KMT2B: variants seen among roughly 807,000 people sequenced by gnomAD.
The protein encoded by KMT2B is histone-lysine N-methyltransferase 2B.
In KMT2B, 22 loss-of-function variants were observed where a neutral mutation model predicts 255.3. The observed-to-expected ratio is 0.09, with a 90% CI of 0.06 to 0.12. KMT2B has a LOEUF of 0.12. Among genes scored for constraint, KMT2B ranks in the 10% least tolerant of loss-of-function variants. The probability of loss-of-function intolerance (pLI) is 1.00; values close to 1 mark genes in which losing one functional copy is unlikely to be tolerated. For synonymous variants in KMT2B, 1,730 were observed against 1,498.1 expected, an observed-to-expected ratio of 1.15 and a Z score of -3.57; for missense variants, 3,149 against 3,737.0, an observed-to-expected ratio of 0.84 and a Z score of 4.10.
rs1969636779 is a variant in KMT2B at position 35,730,196 on chromosome 19, C to T, written c.5076+71C>T. 4.4e-6 allele frequency: 7 copies of T among 1,603,472 alleles called. No individual in the cohort carries two copies. The Admixed American group carries it at 6.7e-5, about 15-fold the overall frequency. ...CCTGTTCACTTAGGGACCCCCGTGG[C>T]CCCCAGGCCTGGCCCTACTGCCTCT... is the stretch of plus-strand genomic sequence containing the variant. On this transcript the variant is annotated intron_variant, in intron 23 of 36. Transcript: ENST00000420124.
chr19:35,735,482 G>A (rs1322344766), intron 30 of KMT2B: 1 of 152,372 alleles, frequency 6.6e-6, no homozygotes, highest in Non-Finnish European at 1.5e-5. Context: ...ACAGCTGTCA[G>A]GCTAGATGTG....
rs1211554208 is a variant in KMT2B, at chr19:35,738,437, C to T, written c.8028C>T (p.Ala2676=). The T allele has an allele frequency of 1.9e-6, 3 of 1,614,008 alleles. No homozygotes were observed. In the Admixed American group the frequency reaches 5.0e-5, roughly 27 times the overall value. Residue 2676 remains alanine (A), a synonymous_variant, in exon 37 of 37, where the codon GCC becomes GCT. Transcript: ENST00000420124. The surrounding 1 kb of genome is among the most constrained non-coding windows in gnomAD (Gnocchi z 8.7). ...GCCAGAAACACATTGTTATCTTCGC[C>T]CTGCGCCGCATCCTGCGTGGTGAGG... is the stretch of plus-strand genomic sequence containing the variant. The part of the protein sequence containing the change: ...VEGQKHIVIF[A]LRRILRGEEL...
At chr19:35,726,599 C>T (rs552502861) in intron 14 of KMT2B, among the ~76,000 whole-genome samples, 40 of 152,252 alleles carry the variant, frequency 2.6e-4, no homozygotes, top group African/African-American at 8.9e-4. Context: ...TGAGGTACTT[C>T]CTGGAACCTC....
chr19:35,724,959 G>T (rs1969376140), intron 9 of KMT2B, 30 bp from the exon 10 acceptor site: 2 of 1,492,368 alleles, frequency 1.3e-6, no homozygotes, highest in South Asian at 2.3e-5. Context: ...CAGGCTGGCA[G>T]CTCTGAATTC....
chr19:35,731,825 G>A, intron 26 of KMT2B, 83 bp from the exon 27 acceptor site: 1 of 1,045,284 alleles, frequency 9.6e-7, no homozygotes. Flanking sequence ...GACCTGGGAG[G>A]CATAGTGGCT....
intron 13 of KMT2B, 105 bp from the exon 14 acceptor site, chr19:35,726,131 C>T (rs1969431100): frequency 1.2e-6 from 1 of 828,094 alleles, no homozygotes; most frequent in East Asian, 2.7e-5. Context: ...ACCTGTCCCT[C>T]CTTGCCTGCT....
Position 35,738,170 on chromosome 19 carries a change from G to A in KMT2B, c.7851G>A (p.Arg2617=), listed in dbSNP as rs1208987219. The change falls in exon 36 of 37, where the codon CGG becomes CGA. Residue 2617 remains arginine (R), a synonymous_variant. Coordinates refer to ENST00000420124, the MANE Select transcript of KMT2B (RefSeq NM_014727.3). The surrounding 1 kb of genome is among the most constrained non-coding windows in gnomAD (Gnocchi z 8.7). ...TCCGCTCGGTGTTGACTGACAAGCG[G>A]GAGAAGTTCTACGATGGGAAGGTGG... The part of the protein sequence containing the change: ...IVIRSVLTDK[R]EKFYDGKGIG... The A allele has an allele frequency of 1.9e-6, 3 of 1,613,878 alleles. No homozygotes were observed. The highest frequency in any genetic ancestry group is 2.2e-5 in the South Asian group (2 of 91,068).
Position 35,721,603 on chromosome 19 carries a change from A to G in KMT2B, c.2256A>G (p.Ala752=), listed in dbSNP as rs1273327184. The G allele has an allele frequency of 4.3e-6, 7 of 1,612,254 alleles. No homozygotes were observed. The highest frequency in any genetic ancestry group is 1.1e-5 in the South Asian group (1 of 91,054). Residue 752 remains alanine (A), a synonymous_variant, in exon 3 of 37, where the codon GCA becomes GCG. Coordinates refer to ENST00000420124, the MANE Select transcript of KMT2B (RefSeq NM_014727.3). The part of the protein sequence containing the change: ...QALQTQLLPQ[A]LPPPQPQLQP... ...TGCAAACCCAGCTCCTGCCCCAGGC[A>G]CTACCGCCACCACAGCCACAGCTGC...
In KMT2B at chr19:35,721,681, G is replaced by T; in HGVS notation, c.2334G>T (p.Ala778=). Reference sequence around the variant, plus strand: ...CTCCCCTGGAAAAAGCCCGGATTGCGGGCGTGGGTTCCTTGCCGCTGTCTG... The same window carrying T: ...CTCCCCTGGAAAAAGCCCGGATTGCTGGCGTGGGTTCCTTGCCGCTGTCTG... ...QMPPLEKARI[A]GVGSLPLSGV... The change falls in exon 3 of 37, where the codon GCG becomes GCT. Residue 778 remains alanine (A), a synonymous_variant. Coordinates refer to ENST00000420124, the MANE Select transcript of KMT2B (RefSeq NM_014727.3). 7 of 1,611,558 alleles carry T rather than the reference G, an allele frequency of 4.3e-6. No individual in the cohort carries two copies. The highest frequency in any genetic ancestry group is 5.9e-6 in the Non-Finnish European group (7 of 1,178,740).
rs748611425 is a variant in KMT2B at position 35,723,397 on chromosome 19, C to A, written c.3003-50C>A. ...TTCTTGTGGAGAGCTTCCTCTCTTC[C>A]CCCAGACCACCAGTCCCCTACCCTG... is the stretch of plus-strand genomic sequence containing the variant. On this transcript the variant is annotated intron_variant, in intron 6 of 36. Transcript: ENST00000420124. This position sits in a 1 kb window ranked among gnomAD's most constrained non-coding sequence, Gnocchi z 7.5. The A allele has an allele frequency of 2.0e-6, 3 of 1,537,978 alleles. No individual in the cohort carries two copies. Among genetic ancestry groups the A allele is most frequent in the South Asian group, 1.2e-5 (1 of 82,144 alleles).
intron 19 of KMT2B, 117 bp from the exon 20 acceptor site, chr19:35,728,657 A>C (rs1431214981): frequency 8.1e-6 from 6 of 741,960 alleles, no homozygotes; most frequent in Non-Finnish European, 1.4e-5. Context: ...GACTGAGAGA[A>C]ATTCCACATA....
rs1373142586 is a variant in KMT2B, at chr19:35,736,956, C to T, written c.7342C>T (p.His2448Tyr). ...CGAGAAAGTGCAAGAGGCCCGAGGG[C>T]ATGCCCGACTCAGACATCTCTCCTT... ...LIEKVQEARG[H>Y]ARLRHLSFSG... Residue 2448 changes from histidine (H) to tyrosine (Y), a missense_variant, in exon 32 of 37, where the codon CAT becomes TAT. Physicochemically the swap from His to Tyr is moderately conservative, Grantham distance 83. Around this residue, in one of 18 missense-constraint regions of KMT2B, gnomAD observed 103 missense variants for 200.7 expected, o/e 0.51. Coordinates refer to ENST00000420124, the MANE Select transcript of KMT2B (RefSeq NM_014727.3). 6.2e-7 allele frequency: 1 copy of T among 1,613,888 alleles called. No homozygotes were observed. The highest frequency in any genetic ancestry group is 1.1e-5 in the South Asian group (1 of 91,070).
rs1236115722 is a variant in KMT2B at position 35,722,671 on chromosome 19, G to A, written c.2675G>A (p.Arg892His). The A allele has an allele frequency of 2.5e-6, 4 of 1,612,200 alleles. No individual in the cohort carries two copies. The highest frequency in any genetic ancestry group is 2.2e-5 in the East Asian group (1 of 44,886). ...ARAMVPEDVP[R>H]LSALPLRDRQ... ...GCCATGGTGCCTGAAGATGTCCCTC[G>A]CCTCAGTGCCCTCCCTCTCCGGGAT... is the stretch of plus-strand genomic sequence containing the variant. The change falls in exon 5 of 37, where the codon CGC (arginine) becomes CAC (histidine). Residue 892 changes from arginine to histidine, a missense_variant. By Grantham distance (29) the Arg-to-His change is conservative (BLOSUM62 0). Coordinates refer to ENST00000420124, the MANE Select transcript of KMT2B (RefSeq NM_014727.3).
chr19:35,730,200 C>T (rs765248070), intron 23 of KMT2B, 75 bp downstream of exon 23: 63 of 1,602,626 alleles, frequency 3.9e-5, no homozygotes, highest in Non-Finnish European at 5.0e-5. Context: ...CCGTGGCCCC[C>T]AGGCCTGGCC....
rs114264898 is a variant in KMT2B at position 35,737,530 on chromosome 19, A to T, written c.7551-106A>T. Reference sequence around the variant, plus strand: ...AACCCCATCTCTAAAATAAAAATTTAAAAAAGTTATTTCTAGAGCTGACAT... The same window carrying T: ...AACCCCATCTCTAAAATAAAAATTTTAAAAAGTTATTTCTAGAGCTGACAT... On this transcript the variant is annotated intron_variant, in intron 33 of 36. Transcript: ENST00000420124. This position sits in a 1 kb window ranked among gnomAD's most constrained non-coding sequence, Gnocchi z 5.3. The T allele has an allele frequency of 4.6e-3, 4,004 of 866,904 alleles. 124 individuals are homozygous for T. The African/African-American group carries it at 0.059, about 13-fold the overall frequency. 53.7% of individuals were successfully genotyped at this position (866,904 alleles called of 1,614,324 possible).
At chr19:35,728,672 G>A in intron 19 of KMT2B, 102 bp from the exon 20 acceptor site, 1 of 793,328 alleles carries the variant, frequency 1.3e-6, no homozygotes, top group Non-Finnish European at 2.2e-6. Context: ...CACATAGAGA[G>A]GGAGTAGCGG....
Position 35,727,325 on chromosome 19 carries a change from C to G in KMT2B, c.4117+56C>G, listed in dbSNP as rs557609971. ...TCAACCCTGTGGGGACCCCTGCCCCCACCACAGGCCCCAAGAGGACTGGTG... is the reference window on the plus strand; with the variant it reads ...TCAACCCTGTGGGGACCCCTGCCCCGACCACAGGCCCCAAGAGGACTGGTG... On this transcript the variant is annotated intron_variant, in intron 15 of 36. Transcript: ENST00000420124. This position sits in a 1 kb window ranked among gnomAD's most constrained non-coding sequence, Gnocchi z 4.2. 318 of 1,572,390 alleles carry G rather than the reference C, an allele frequency of 2.0e-4. No individual in the cohort carries two copies. In the Middle Eastern group the frequency reaches 2.3e-3, roughly 12 times the overall value.
chr19:35,738,053 G>T lies in KMT2B; in HGVS notation c.7743-9G>T, dbSNP rs2242522. Reference sequence around the variant, plus strand: ...CCCCCCTGAGTTCCCTGTTCATCCTGCCCTGCAGATCAGCCATCCACGGGC... The same window carrying T: ...CCCCCCTGAGTTCCCTGTTCATCCTTCCCTGCAGATCAGCCATCCACGGGC... On this transcript the variant is annotated splice_polypyrimidine_tract_variant and intron_variant, in intron 35 of 36. Transcript: ENST00000420124. This position sits in a 1 kb window ranked among gnomAD's most constrained non-coding sequence, Gnocchi z 8.7. 0.49 allele frequency: 785,982 copies of T among 1,613,204 alleles called. 196,785 individuals carry two copies. The highest frequency in any genetic ancestry group is 0.57 in the Admixed American group (34,087 of 59,942).
At position 35,733,238 on chromosome 19, in the gene KMT2B, C is replaced by T; in HGVS notation, c.6689C>T (p.Thr2230Ile). 2.7e-6 allele frequency: 4 copies of T among 1,491,258 alleles called. No homozygotes were observed. Among genetic ancestry groups the T allele is most frequent in the Non-Finnish European group, 3.7e-6 (4 of 1,095,256 alleles). 92.4% of individuals were successfully genotyped at this position (1,491,258 alleles called of 1,614,324 possible). ...CCCACCATTTCCCCCACGGCTCCCA[C>T]CTCCTGGACTCTGCCCCCAGGCCCC... Reference protein sequence around the residue: ...LPPTISPTAPTSWTLPPGPLL... With the variant: ...LPPTISPTAPISWTLPPGPLL... Residue 2230 changes from threonine (T) to isoleucine (I), a missense_variant, in exon 28 of 37, where the codon ACC becomes ATC. Thr to Ile is a moderately conservative substitution (Grantham distance 89, BLOSUM62 -1). Transcript: ENST00000420124. This position sits in a 1 kb window ranked among gnomAD's most constrained non-coding sequence, Gnocchi z 4.3.
Sources: allele counts gnomAD v4.1 joint callset (sites outside exome capture counted in the v4.1 genomes callset), GRCh38; gene constraint gnomAD v4.1.1; regional missense constraint gnomAD v4.1.1; non-coding constraint Gnocchi (gnomAD v3.1); transcripts MANE v1.5; gene names NCBI Gene and HGNC (gene_info 2026-07-23, HGNC 2026-07-21).